SLC25A21: variants seen among roughly 807,000 people sequenced by gnomAD.
SLC25A21 encodes the protein mitochondrial 2-oxodicarboxylate carrier.
SLC25A21 carries 47 observed loss-of-function variants against 43.8 expected under a neutral mutation model. The ratio of observed to expected loss-of-function variants is 1.07; its 90% CI spans 0.85 to 1.37. SLC25A21 has a LOEUF of 1.37. Among genes scored for constraint, SLC25A21 ranks in the 40% most tolerant of loss-of-function variants. SLC25A21 has a pLI of 0.00. For synonymous variants in SLC25A21, 131 were observed against 121.3 expected (o/e 1.08, Z -0.52); for missense variants, 352 against 350.2 (o/e 1.00, Z -0.04).
chr14:36,881,072 TTTAGTGTTGC>T (rs1890705983), intron 1 of SLC25A21, among the ~76,000 whole-genome samples: 2 of 152,182 alleles, frequency 1.3e-5, no homozygotes, highest in Admixed American at 6.5e-5. Context: ...GGCCTAGTAA[TTTAGTGTTGC>T]TGTTGACAGT....
At chr14:36,752,993 A>T (rs1885767160) in intron 3 of SLC25A21, among the ~76,000 whole-genome samples, 1 of 152,180 alleles carries the variant, frequency 6.6e-6, no homozygotes, top group Admixed American at 6.5e-5. Flanking sequence ...AGAACGAACT[A>T]ATAAATGTAT....
At chr14:36,718,735 A>G (rs1184806454) in intron 6 of SLC25A21, among the ~76,000 whole-genome samples, 1 of 152,210 alleles carries the variant, frequency 6.6e-6, no homozygotes, top group Non-Finnish European at 1.5e-5. Context: ...CCCAAACTAG[A>G]ACCAAACCCT....
chr14:36,908,510 A>G (rs1421989474), intron 1 of SLC25A21, among the ~76,000 whole-genome samples: 1 of 152,234 alleles, frequency 6.6e-6, no homozygotes, highest in African/African-American at 2.4e-5. Flanking sequence ...TTTATTATGC[A>G]CCGCACTATC....
chr14:37,129,502 G>C (rs539659264), intron 1 of SLC25A21, among the ~76,000 whole-genome samples: 1 of 151,918 alleles, frequency 6.6e-6, no homozygotes, highest in Non-Finnish European at 1.5e-5. Context: ...ACCATGAAGC[G>C]CATTTCATAC....
chr14:37,037,298 C>T (rs1310927257), intron 1 of SLC25A21, among the ~76,000 whole-genome samples: 1 of 152,216 alleles, frequency 6.6e-6, no homozygotes, highest in African/African-American at 2.4e-5. Flanking sequence ...AGCTGACTTT[C>T]ACCTTTTCAG....
intron 7 of SLC25A21, among the ~76,000 whole-genome samples, chr14:36,686,418 GC>G: frequency 6.6e-6 from 1 of 152,252 alleles, no homozygotes; most frequent in South Asian, 2.1e-4. Flanking sequence ...TGGCACAGAA[GC>G]AGAACTGGAG....
At chr14:36,880,390 C>A (rs936218304) in intron 1 of SLC25A21, among the ~76,000 whole-genome samples, 8 of 152,122 alleles carry the variant, frequency 5.3e-5, no homozygotes, top group African/African-American at 1.9e-4. Context: ...TAAACTACTG[C>A]GATTTGGGTT....
At chr14:37,064,363 G>A (rs569889464) in intron 1 of SLC25A21, among the ~76,000 whole-genome samples, 4 of 152,194 alleles carry the variant, frequency 2.6e-5, no homozygotes, top group South Asian at 2.1e-4. Context: ...TTAGCCTATC[G>A]TGGGACTTCT....
chr14:36,731,329 C>G (rs1037415428), intron 4 of SLC25A21, among the ~76,000 whole-genome samples: 2 of 152,140 alleles, frequency 1.3e-5, no homozygotes, highest in Admixed American at 1.3e-4. Flanking sequence ...AGTCACCTTG[C>G]TGGCATTTTG....
chr14:36,834,604 C>T (rs1296468532), intron 2 of SLC25A21, among the ~76,000 whole-genome samples: 1 of 152,176 alleles, frequency 6.6e-6, no homozygotes, highest in Non-Finnish European at 1.5e-5. Flanking sequence ...TCCCTCCCAA[C>T]TGCCCTTACA....
chr14:36,754,003 A>C (rs1885827145), intron 3 of SLC25A21, among the ~76,000 whole-genome samples: 1 of 151,480 alleles, frequency 6.6e-6, no homozygotes, highest in African/African-American at 2.4e-5. Context: ...GATCAAAGTG[A>C]TCCTGCTTTG....
intron 1 of SLC25A21, among the ~76,000 whole-genome samples, chr14:36,982,424 C>T (rs928522687): frequency 1.4e-4 from 21 of 152,232 alleles, no homozygotes; most frequent in Admixed American, 3.3e-4. Flanking sequence ...TGTTGGGGCT[C>T]GCACACATGG....
intron 3 of SLC25A21, among the ~76,000 whole-genome samples, chr14:36,776,238 C>CTTTTTTTTTTTTTTTTTTTTTT (rs35856297): frequency 2.2e-5 from 2 of 89,902 alleles, no homozygotes; most frequent in Non-Finnish European, 3.9e-5. Context: ...TTCTTTCTTT[C>CTTTTTTTTTTTTTTTTTTTTTT]TTTTTTTTTT....
chr14:36,849,211 C>T (rs1889642668), intron 2 of SLC25A21, among the ~76,000 whole-genome samples: 1 of 152,064 alleles, frequency 6.6e-6, no homozygotes, highest in Admixed American at 6.5e-5. Flanking sequence ...GGGGTACATC[C>T]CTAGATAACT....
intron 2 of SLC25A21, among the ~76,000 whole-genome samples, chr14:36,838,424 C>G: frequency 6.6e-6 from 1 of 152,178 alleles, no homozygotes; most frequent in East Asian, 1.9e-4. Context: ...ACCTGCTTTT[C>G]CTGTGTGTGA....
chr14:36,741,623 G>T (rs1040713262), intron 3 of SLC25A21, among the ~76,000 whole-genome samples: 8 of 152,148 alleles, frequency 5.3e-5, no homozygotes, highest in African/African-American at 1.9e-4. Context: ...CATTATCTGA[G>T]CCTGAAAATA....
intron 2 of SLC25A21, among the ~76,000 whole-genome samples, chr14:36,856,031 G>C (rs1439228118): frequency 6.6e-6 from 1 of 152,086 alleles, no homozygotes; most frequent in Non-Finnish European, 1.5e-5. Context: ...AGAATTATCT[G>C]GACCAAAGTG....
chr14:36,904,688 G>T (rs1891487294), intron 1 of SLC25A21, among the ~76,000 whole-genome samples: 1 of 152,192 alleles, frequency 6.6e-6, no homozygotes, highest in African/African-American at 2.4e-5. Context: ...TCACAATGTG[G>T]CAAGAGAGAG....
intron 3 of SLC25A21, among the ~76,000 whole-genome samples, chr14:36,786,897 C>A (rs1887271830): frequency 6.6e-6 from 1 of 152,102 alleles, no homozygotes; most frequent in Non-Finnish European, 1.5e-5. Context: ...TCTTTCACAG[C>A]AATTAGAGCT....
Sources: gnomAD v4.1 joint callset for allele counts (sites outside exome capture counted in the v4.1 genomes callset) on GRCh38, gnomAD v4.1.1 for gene constraint, MANE v1.5 for transcripts, NCBI Gene and HGNC (gene_info 2026-07-23, HGNC 2026-07-21) for gene names.